SATB2: variants seen among roughly 807,000 people sequenced by gnomAD.
The protein encoded by SATB2 is DNA-binding protein SATB2.
A neutral mutation model predicts 73.4 loss-of-function variants in SATB2; 1 was observed. That is an observed-to-expected ratio of 0.01 (90% CI 0.00 to 0.06). The LOEUF is 0.06. Ranked by LOEUF, SATB2 falls within the 10% of genes least tolerant of loss-of-function variation. The pLI, the probability that SATB2 is intolerant of heterozygous loss-of-function variation, is 1.00. For synonymous variants in SATB2, 397 were observed against 367.0 expected, an observed-to-expected ratio of 1.08 and a Z score of -0.93; for missense variants, 459 against 945.8, an observed-to-expected ratio of 0.49 and a Z score of 6.75.
chr2:199,376,182 T>C (rs1261589800), intron 5 of SATB2, among the ~76,000 whole-genome samples: 1 of 151,970 alleles, frequency 6.6e-6, no homozygotes, highest in East Asian at 1.9e-4. Flanking sequence ...ACACAACATA[T>C]CAGAAGCCTA....
rs935544613 is a variant in SATB2 at position 199,443,684 on chromosome 2, G to A, written c.170-10170C>T. 4.6e-5 allele frequency among the ~76,000 whole-genome samples: 7 copies of A among 152,182 alleles called. No homozygotes were observed. The East Asian group carries it at 5.8e-4, about 13-fold the overall frequency. ...CAATGAATGCAGATTTCACAAAGCC[G>A]AGCTTAAGCAGACAGGCAACTACCA... On this transcript the variant is annotated intron_variant, in intron 2 of 10. Transcript: ENST00000417098.
chr2:199,469,309 A>G (rs1692657699), upstream of SATB2, among the ~76,000 whole-genome samples: 1 of 152,120 alleles, frequency 6.6e-6, no homozygotes, highest in Non-Finnish European at 1.5e-5. Flanking sequence ...AGCCACCCCA[A>G]GAAGCCCTCA....
At chr2:199,440,041 G>A (rs936283739) in intron 2 of SATB2, among the ~76,000 whole-genome samples, 1 of 152,116 alleles carries the variant, frequency 6.6e-6, no homozygotes, top group African/African-American at 2.4e-5. Context: ...AGGAGACAGA[G>A]GTTGCAGTGA....
intron 3 of SATB2, among the ~76,000 whole-genome samples, chr2:199,419,221 C>T (rs183127381): frequency 9.2e-5 from 14 of 152,284 alleles, no homozygotes; most frequent in African/African-American, 3.1e-4. Context: ...CTTCACCTTC[C>T]ACCACCACAG....
chr2:199,395,159 T>A (rs1690261109), intron 3 of SATB2, among the ~76,000 whole-genome samples: 1 of 152,156 alleles, frequency 6.6e-6, no homozygotes, highest in African/African-American at 2.4e-5. Flanking sequence ...AGCCTTTGGA[T>A]ACTGATGACA....
At chr2:199,302,580 C>T (rs1435274291) in intron 10 of SATB2, among the ~76,000 whole-genome samples, 1 of 152,156 alleles carries the variant, frequency 6.6e-6, no homozygotes, top group Non-Finnish European at 1.5e-5. Context: ...TTGCATCTCT[C>T]CTCAGGACTA....
intron 3 of SATB2, among the ~76,000 whole-genome samples, chr2:199,425,241 T>C (rs901028498): frequency 2.6e-5 from 4 of 152,242 alleles, no homozygotes; most frequent in African/African-American, 7.2e-5. Flanking sequence ...GTCAGTCTGT[T>C]TAACCTGGAT....
At chr2:199,407,307 A>G (rs7591584) in intron 3 of SATB2, among the ~76,000 whole-genome samples, 131 of 151,226 alleles carry the variant, frequency 8.7e-4, no homozygotes, top group Admixed American at 3.5e-3. Context: ...AAAAAAAAAA[A>G]AGAGAGAGAA....
In SATB2 at chr2:199,309,060, A is replaced by T; in HGVS notation, c.1543-103T>A. Reference sequence around the variant, plus strand: ...CATCACAGTACATCTTTTTCTGTCAAAATTGTTCCTGCCAACGTGGGGAGA... The same window carrying T: ...CATCACAGTACATCTTTTTCTGTCATAATTGTTCCTGCCAACGTGGGGAGA... On this transcript the variant is annotated intron_variant, in intron 9 of 10. Coordinates refer to ENST00000417098, the MANE Select transcript of SATB2 (RefSeq NM_001172509.2). 4.0e-6 allele frequency: 4 copies of T among 996,686 alleles called. No homozygotes were observed. In the South Asian group the frequency reaches 4.1e-5, roughly 10 times the overall value. 61.7% of individuals were successfully genotyped at this position (996,686 alleles called of 1,614,324 possible).
intron 10 of SATB2, among the ~76,000 whole-genome samples, chr2:199,291,500 T>C (rs1343946343): frequency 6.6e-6 from 1 of 152,186 alleles, no homozygotes; most frequent in Non-Finnish European, 1.5e-5. Flanking sequence ...ACAGTGCTTT[T>C]AAGACATTAT....
chr2:199,297,332 C>G (rs1687140434), intron 10 of SATB2, among the ~76,000 whole-genome samples: 1 of 152,120 alleles, frequency 6.6e-6, no homozygotes, highest in South Asian at 2.1e-4. Context: ...TCTACAATGA[C>G]ACTAGTGTAT....
At chr2:199,388,110 G>C (rs557543669) in intron 3 of SATB2, among the ~76,000 whole-genome samples, 1 of 152,246 alleles carries the variant, frequency 6.6e-6, no homozygotes, top group South Asian at 2.1e-4. Context: ...CAAGCCTTTA[G>C]AAAGTCAATC....
intron 10 of SATB2, among the ~76,000 whole-genome samples, chr2:199,304,115 T>G (rs1687364960): frequency 6.6e-6 from 1 of 152,118 alleles, no homozygotes; most frequent in Non-Finnish European, 1.5e-5. Flanking sequence ...ATCGCCTGTG[T>G]TTTCATTCCG....
chr2:199,461,312 T>A (rs191027353), upstream of SATB2, among the ~76,000 whole-genome samples: 1 of 152,342 alleles, frequency 6.6e-6, no homozygotes, highest in East Asian at 1.9e-4. Context: ...AAGCGATTAT[T>A]TCCAGCAGGT....
At chr2:199,430,135 G>T (rs144749519) in intron 3 of SATB2, among the ~76,000 whole-genome samples, 101 of 152,254 alleles carry the variant, frequency 6.6e-4, no homozygotes, top group Non-Finnish European at 1.3e-3. Context: ...TGGACAGTGT[G>T]GGGAGCTCCA....
chr2:199,273,651 TTAACA>T (rs1430738655), intron 10 of SATB2, among the ~76,000 whole-genome samples: 1 of 152,252 alleles, frequency 6.6e-6, no homozygotes, highest in East Asian at 1.9e-4. Context: ...CATTTTATAC[TTAACA>T]TAGATAGACC....
intron 3 of SATB2, among the ~76,000 whole-genome samples, chr2:199,401,192 C>G (rs1243668868): frequency 6.6e-6 from 1 of 152,084 alleles, no homozygotes; most frequent in African/African-American, 2.4e-5. Flanking sequence ...AAACTTAGGT[C>G]TACTTAGTCT....
chr2:199,274,239 T>C (rs1297802622), intron 10 of SATB2, among the ~76,000 whole-genome samples: 2 of 152,194 alleles, frequency 1.3e-5, no homozygotes, highest in Non-Finnish European at 2.9e-5. Context: ...AAAACACGTC[T>C]AGTTACATTA....
intron 7 of SATB2, 90 bp from the exon 8 acceptor site, chr2:199,329,000 G>C: frequency 1.0e-6 from 1 of 960,820 alleles, no homozygotes; most frequent in Non-Finnish European, 1.6e-6. Flanking sequence ...TCCTTTGTTT[G>C]GTTTAACCAG....
Sources: allele counts gnomAD v4.1 joint callset (sites outside exome capture counted in the v4.1 genomes callset), GRCh38; gene constraint gnomAD v4.1.1; transcripts MANE v1.5; gene names NCBI Gene and HGNC (gene_info 2026-07-23, HGNC 2026-07-21).